SEC63: variants seen among roughly 807,000 people sequenced by gnomAD.
SEC63 encodes SEC63 protein translocation regulator.
SEC63 carries 56 observed loss-of-function variants against 116.2 expected under a neutral mutation model. The observed-to-expected ratio is 0.48, with a 90% CI of 0.39 to 0.60. The LOEUF (loss-of-function observed/expected upper bound fraction) is 0.60, where lower values mean the gene tolerates loss of function less well. SEC63 is among the 20% of genes least tolerant of loss of function. The probability of loss-of-function intolerance (pLI) is 0.00; values close to 1 mark genes in which losing one functional copy is unlikely to be tolerated. For synonymous variants in SEC63, 273 were observed against 294.6 expected (o/e 0.93, Z 0.75); for missense variants, 668 against 900.0 (o/e 0.74, Z 3.30).
At chr6:107,894,395 G>C (rs1398983826) in intron 14 of SEC63, among the ~76,000 whole-genome samples, 1 of 152,078 alleles carries the variant, frequency 6.6e-6, no homozygotes, top group Non-Finnish European at 1.5e-5. Flanking sequence ...CATCACAGGT[G>C]GAGCATGGTG....
Position 107,869,783 on chromosome 6 carries a change from T to A in SEC63, c.*1921A>T, listed in dbSNP as rs1244221359. The A allele has an allele frequency of 6.6e-6, 1 of 151,460 alleles. No individual in the cohort carries two copies. The highest frequency in any genetic ancestry group is 2.4e-5 in the African/African-American group (1 of 41,310). The allele number at this position is 151,460 out of a possible 1,614,324, so 9.4% of individuals were successfully genotyped here. ...TTCTGGTGATGGTAGTTTTTTTTTT[T>A]TTTTTTTTTTTAAGCACTGTGGTGT... On this transcript the variant is annotated 3_prime_UTR_variant, in exon 21 of 21. Coordinates refer to ENST00000369002, the MANE Select transcript of SEC63 (RefSeq NM_007214.5).
Position 107,871,505 on chromosome 6 carries a change from G to C in SEC63, c.*199C>G, listed in dbSNP as rs1583716591. 1.6e-6 allele frequency: 1 copy of C among 618,100 alleles called. No individual in the cohort carries two copies. Among genetic ancestry groups the C allele is most frequent in the East Asian group, 2.8e-5 (1 of 35,472 alleles). 38.3% of individuals were successfully genotyped at this position (618,100 alleles called of 1,614,324 possible). On this transcript the variant is annotated 3_prime_UTR_variant, in exon 21 of 21. Transcript: ENST00000369002. ...TAAATGTACCATCCCCTACTTGAAA[G>C]GTTTCAATAAGCCTTAACATTTTTC...
At chr6:107,883,253 A>T in intron 16 of SEC63, 107 bp from the exon 17 acceptor site, 1 of 1,338,798 alleles carries the variant, frequency 7.5e-7, no homozygotes, top group Non-Finnish European at 1.0e-6. Flanking sequence ...TGACTCGATG[A>T]CAATTTCACT....
At chr6:107,927,660 A>C (rs537946463) in intron 2 of SEC63, among the ~76,000 whole-genome samples, 3 of 152,330 alleles carry the variant, frequency 2.0e-5, no homozygotes, top group African/African-American at 7.2e-5. Flanking sequence ...AGTGTTGAAC[A>C]AAGCCAGATA....
At chr6:107,919,798 G>A (rs1787509730) in intron 4 of SEC63, among the ~76,000 whole-genome samples, 1 of 151,668 alleles carries the variant, frequency 6.6e-6, no homozygotes, top group Non-Finnish European at 1.5e-5. Flanking sequence ...CTCCAGCCTG[G>A]GCGACAGAGC....
intron 1 of SEC63, among the ~76,000 whole-genome samples, chr6:107,942,828 G>A (rs182395322): frequency 1.1e-4 from 16 of 152,270 alleles, no homozygotes; most frequent in Admixed American, 6.5e-4. Context: ...TCATAAGGAA[G>A]AGAAAATATA....
chr6:107,888,057 G>C (rs1489206163), intron 16 of SEC63, among the ~76,000 whole-genome samples: 1 of 152,190 alleles, frequency 6.6e-6, no homozygotes. Flanking sequence ...TTTTGCTTAA[G>C]ATTGTCTTGG....
At chr6:107,908,297 C>A (rs1787189200) in intron 8 of SEC63, among the ~76,000 whole-genome samples, 1 of 151,842 alleles carries the variant, frequency 6.6e-6, no homozygotes, top group Non-Finnish European at 1.5e-5. Context: ...GGATAAACTG[C>A]AAAGTTTGCT....
chr6:107,878,064 CA>C (rs1360920506), intron 18 of SEC63, among the ~76,000 whole-genome samples: 2 of 152,168 alleles, frequency 1.3e-5, no homozygotes, highest in Non-Finnish European at 2.9e-5. Flanking sequence ...TGCGGCCACT[CA>C]AATCTGCCCT....
intron 2 of SEC63, 27 bp downstream of exon 2, chr6:107,929,388 G>T (rs1407051819): frequency 1.6e-6 from 2 of 1,222,278 alleles, no homozygotes; most frequent in Admixed American, 1.7e-5. Context: ...CATTAAGTAG[G>T]TTTTTTTCTT....
In SEC63 at chr6:107,893,543, G is replaced by C. The variant is rs753641653; in HGVS notation, c.1613C>G (p.Pro538Arg). 3 of 1,602,824 alleles carry C rather than the reference G, an allele frequency of 1.9e-6. 1 individual carries two copies. Among genetic ancestry groups the C allele is most frequent in the African/African-American group, 1.3e-5 (1 of 74,166 alleles). ...TTGCTTTGACTGTGGTAATAGCACA[G>C]GTGTAGGTTTTTTTTTTAAAGGTTT... ...KKKPLKKKPT[P>R]VLLPQSKQQK... Residue 538 changes from proline (P) to arginine (R), a missense_variant, in exon 16 of 21, where the codon CCT (proline) becomes CGT (arginine). By Grantham distance (103) the Pro-to-Arg change is moderately radical (BLOSUM62 -2). This residue lies in a region of SEC63 where 430 missense variants were observed against 557.5 expected (regional missense o/e 0.77). Transcript: ENST00000369002.
At chr6:107,880,067 G>A (rs1164744049) in intron 18 of SEC63, among the ~76,000 whole-genome samples, 1 of 152,174 alleles carries the variant, frequency 6.6e-6, no homozygotes, top group Non-Finnish European at 1.5e-5. Context: ...CTTGGTGTTG[G>A]CAGGCTACCT....
chr6:107,929,631 T>C (rs1787754784), intron 1 of SEC63, 117 bp from the exon 2 acceptor site: 3 of 659,764 alleles, frequency 4.5e-6, no homozygotes, highest in African/African-American at 3.6e-5. Context: ...GAACATGAAA[T>C]TACTGCCTAT....
Position 107,925,094 on chromosome 6 carries a change from G to A in SEC63, c.225-162C>T, listed in dbSNP as rs6905131. On this transcript the variant is annotated intron_variant, in intron 2 of 20. Coordinates refer to ENST00000369002, the MANE Select transcript of SEC63 (RefSeq NM_007214.5). ...GGTTACAAACTCCTGTTACAGCAAC[G>A]ACAGTGTCTTTTTTACCTCTGCATT... Among the ~76,000 whole-genome samples, 5,855 of 152,166 alleles carry A rather than the reference G, an allele frequency of 0.038. 358 individuals carry two copies. Among genetic ancestry groups the A allele is most frequent in the African/African-American group, 0.13 (5,578 of 41,512 alleles).
chr6:107,904,644 C>T lies in SEC63; in HGVS notation c.1039G>A (p.Ala347Thr). ...VNVICQLIVM[A>T]RNREEREFRA... ...TCCTCCTCACCTTCACGGTTCCGGG[C>T]CATTACTATTAGTTGGCAGATTACA... Residue 347 changes from alanine to threonine, a missense_variant, in exon 11 of 21, where the codon GCC becomes ACC. Physicochemically the swap from Ala to Thr is moderately conservative, Grantham distance 58. Around this residue, in one of 5 missense-constraint regions of SEC63, gnomAD observed 430 missense variants for 557.5 expected, o/e 0.77. Coordinates refer to ENST00000369002, the MANE Select transcript of SEC63 (RefSeq NM_007214.5). The T allele has an allele frequency of 6.2e-7, 1 of 1,611,896 alleles. No homozygotes were observed. The highest frequency in any genetic ancestry group is 2.2e-5 in the East Asian group (1 of 44,864).
rs1562320387 is a variant in SEC63, at chr6:107,897,637, T to C, written c.1440+12A>G. On this transcript the variant is annotated intron_variant, in intron 14 of 20. Transcript: ENST00000369002. ...AACTCTTAAAGCATAAAAATACAGA[T>C]AGACTACTTACAGCCATTGTTTGCC... The C allele has an allele frequency of 1.3e-6, 2 of 1,515,176 alleles. No homozygotes were observed. The highest frequency in any genetic ancestry group is 2.3e-5 in the East Asian group (1 of 44,306). The allele number at this position is 1,515,176 out of a possible 1,614,324, so 93.9% of individuals were successfully genotyped here.
chr6:107,911,230 A>T, intron 7 of SEC63, 116 bp downstream of exon 7: 1 of 785,744 alleles, frequency 1.3e-6, no homozygotes, highest in African/African-American at 1.7e-5. Flanking sequence ...CAAGACTCTT[A>T]AATTCAAGGA....
At chr6:107,954,464 T>TAAAAAAAAAAAAAAAATAAAAA (rs1770664915) in intron 1 of SEC63, 3 of 61,698 alleles carry the variant, frequency 4.9e-5, no homozygotes, top group Admixed American at 3.7e-4. Context: ...AATGATCAAT[T>TAAAAAAAAAAAAAAAATAAAAA]AAAAAAAAAA....
intron 14 of SEC63, 116 bp from the exon 15 acceptor site, chr6:107,894,013 G>T: frequency 9.2e-7 from 1 of 1,082,530 alleles, no homozygotes; most frequent in South Asian, 1.4e-5. Flanking sequence ...GGCTACAATT[G>T]ACAAAGAAGG....
Sources: gnomAD v4.1 joint callset for allele counts (sites outside exome capture counted in the v4.1 genomes callset) on GRCh38, gnomAD v4.1.1 for gene constraint, gnomAD v4.1.1 regional missense constraint, MANE v1.5 for transcripts, NCBI Gene and HGNC (gene_info 2026-07-23, HGNC 2026-07-21) for gene names.